The following PDE4C variants were observed in gnomAD, a reference collection of about 807,000 sequenced individuals.
PDE4C encodes phosphodiesterase 4C.
PDE4C carries 50 observed loss-of-function variants against 63.9 expected under a neutral mutation model. That is an observed-to-expected ratio of 0.78 (90% CI 0.62 to 0.99). PDE4C has a LOEUF of 0.99. Ranked by LOEUF, PDE4C falls within the 50% of genes least tolerant of loss-of-function variation. The probability of loss-of-function intolerance (pLI) is 0.00; values close to 1 mark genes in which losing one functional copy is unlikely to be tolerated. For missense variants in PDE4C, 777 were observed against 899.1 expected, an observed-to-expected ratio of 0.86 and a Z score of 1.74; for synonymous variants, 377 against 385.1, an observed-to-expected ratio of 0.98 and a Z score of 0.25.
chr19:18,247,780 G>T (rs761874176), intron 1 of PDE4C, among the ~76,000 whole-genome samples: 1 of 152,108 alleles, frequency 6.6e-6, no homozygotes, highest in Non-Finnish European at 1.5e-5. Context: ...GCCCAGGTAC[G>T]GCCCTGTGGG....
intron 1 of PDE4C, chr19:18,224,163 T>G: frequency 1.0e-6 from 1 of 962,378 alleles, no homozygotes. Context: ...TCCCTCTGGC[T>G]CCTCCTCTTT....
At chr19:18,218,191 C>T (rs773939203) in exon 11 of PDE4C, 23 of 1,614,184 alleles carry the variant, frequency 1.4e-5, no homozygotes, top group East Asian at 2.2e-5. Context: ...GGATGGTCCA[C>T]GTCGTGGATG....
intron 11 of PDE4C, 192 bp from the exon 12 acceptor site, chr19:18,217,087 C>A: frequency 1.8e-6 from 1 of 545,626 alleles, no homozygotes; most frequent in Non-Finnish European, 3.1e-6. Flanking sequence ...CTGTGTTTGG[C>A]TCTGCCTACC....
At chr19:18,245,077 C>T (rs184086430) in intron 1 of PDE4C, among the ~76,000 whole-genome samples, 4 of 152,048 alleles carry the variant, frequency 2.6e-5, no homozygotes, top group Admixed American at 6.6e-5. Flanking sequence ...CCTCATGATC[C>T]GCCAGTTGTG....
chr19:18,216,708 C>A, intron 12 of PDE4C, 33 bp downstream of exon 12: 1 of 1,549,298 alleles, frequency 6.5e-7, no homozygotes, highest in South Asian at 1.2e-5. Context: ...CTCCCCTCTG[C>A]CCCTCCCGCC....
Position 18,211,232 on chromosome 19 carries a change from C to T in PDE4C, c.1740G>A (p.Trp580Ter). The T allele has an allele frequency of 6.2e-7, 1 of 1,608,420 alleles. No homozygotes were observed. Among genetic ancestry groups the T allele is most frequent in the East Asian group, 2.2e-5 (1 of 44,754 alleles). Residue 580 changes from tryptophan (W) to a stop codon, truncating the protein, a stop_gained, in exon 15 of 15, where the codon TGG becomes TGA. Transcript: ENST00000262805. LOFTEE classifies it low-confidence loss of function (END_TRUNC). ...GTGCATCTGGGTGGACCAGGTCAGC[C>T]CAAGTCTCCCACAGTGGGTGAGCAA... is the stretch of plus-strand genomic sequence containing the variant.
upstream of PDE4C, among the ~76,000 whole-genome samples, chr19:18,235,030 T>C (rs1325816069): frequency 6.6e-6 from 1 of 152,100 alleles, no homozygotes. Context: ...AAAAGAGGAA[T>C]AATAATGGTG....
chr19:18,250,175 T>C (rs1600109183), upstream of PDE4C: 5 of 398,622 alleles, frequency 1.3e-5, no homozygotes, highest in East Asian at 1.8e-4. Context: ...CATTCACGGA[T>C]CCCTGAGGAA....
upstream of PDE4C, among the ~76,000 whole-genome samples, chr19:18,236,517 C>T (rs1326431630): frequency 6.6e-6 from 1 of 152,236 alleles, no homozygotes; most frequent in African/African-American, 2.4e-5. Flanking sequence ...GCCACCACAA[C>T]CAGGCCCTCA....
chr19:18,248,463 A>G (rs1241036224), upstream of PDE4C, among the ~76,000 whole-genome samples: 1 of 149,950 alleles, frequency 6.7e-6, no homozygotes, highest in African/African-American at 2.5e-5. Context: ...GGAGGGGGGA[A>G]GGAGGGAAGG....
chr19:18,238,883 C>T (rs1303796382), intron 1 of PDE4C, among the ~76,000 whole-genome samples: 3 of 151,462 alleles, frequency 2.0e-5, no homozygotes, highest in African/African-American at 7.3e-5. Flanking sequence ...CCCAGCTACT[C>T]AGGAGGCTGA....
chr19:18,222,871 A>T (rs1287437131), intron 1 of PDE4C, among the ~76,000 whole-genome samples: 1 of 150,306 alleles, frequency 6.7e-6, no homozygotes, highest in Non-Finnish European at 1.5e-5. Flanking sequence ...GGCTAATTTT[A>T]AAATTTTTTG....
chr19:18,242,475 CAAAAAAA>C (rs748870873), intron 1 of PDE4C, among the ~76,000 whole-genome samples: 7 of 29,814 alleles, frequency 2.3e-4, no homozygotes, highest in Non-Finnish European at 3.4e-4. Flanking sequence ...GACTCCATCT[CAAAAAAA>C]AAAAAAAAAA....
intron 14 of PDE4C, among the ~76,000 whole-genome samples, chr19:18,211,549 A>G (rs1967941258): frequency 6.6e-6 from 1 of 152,146 alleles, no homozygotes; most frequent in African/African-American, 2.4e-5. Flanking sequence ...CATGTCACCT[A>G]GAACAGATGT....
intron 13 of PDE4C, 104 bp from the exon 14 acceptor site, chr19:18,212,045 G>A: frequency 8.7e-7 from 1 of 1,150,692 alleles, no homozygotes; most frequent in Admixed American, 2.1e-5. Flanking sequence ...CATCTTACAG[G>A]TGGGGAAACT....
chr19:18,230,358 G>A (rs921253533), upstream of PDE4C, among the ~76,000 whole-genome samples: 3 of 152,126 alleles, frequency 2.0e-5, no homozygotes, highest in Non-Finnish European at 4.4e-5. Context: ...ACAAATATTA[G>A]CCAGGCATGG....
At chr19:18,234,903 C>G (rs983657326), upstream of PDE4C, among the ~76,000 whole-genome samples, 1 of 152,094 alleles carries the variant, frequency 6.6e-6, no homozygotes, top group Non-Finnish European at 1.5e-5. Flanking sequence ...TGTTCTCCAC[C>G]CCCCCACCAC....
upstream of PDE4C, among the ~76,000 whole-genome samples, chr19:18,238,439 C>T (rs966177889): frequency 6.6e-6 from 1 of 151,510 alleles, no homozygotes; most frequent in African/African-American, 2.4e-5. Flanking sequence ...GTTTTCACCA[C>T]GTTGGCCAGG....
At chr19:18,233,562 A>C in exon 1 of PDE4C, 2 of 513,028 alleles carry the variant, frequency 3.9e-6, no homozygotes, top group Non-Finnish European at 7.6e-6. Context: ...GAAGACAGAA[A>C]TTGTCCACTG....
Sources: allele counts gnomAD v4.1 joint callset (sites outside exome capture counted in the v4.1 genomes callset), GRCh38; gene constraint gnomAD v4.1.1; transcripts MANE v1.5; gene names NCBI Gene and HGNC (gene_info 2026-07-23, HGNC 2026-07-21).